The following CNBD1 variants were observed in gnomAD, a reference collection of about 807,000 sequenced individuals.
CNBD1 encodes cyclic nucleotide binding domain containing 1.
A neutral mutation model predicts 54.4 loss-of-function variants in CNBD1; 71 were observed. The ratio of observed to expected loss-of-function variants is 1.30; its 90% CI spans 1.08 to 1.59. The LOEUF is 1.59. Ranked by LOEUF, CNBD1 falls within the 40% of genes most tolerant of loss-of-function variation. The pLI, the probability that CNBD1 is intolerant of heterozygous loss-of-function variation, is 0.00. For missense variants in CNBD1, 659 were observed against 518.0 expected (o/e 1.27, Z -2.64); for synonymous variants, 182 against 170.7 (o/e 1.07, Z -0.51).
chr8:87,125,117 A>T (rs1010354922), intron 4 of CNBD1, among the ~76,000 whole-genome samples: 1 of 151,752 alleles, frequency 6.6e-6, no homozygotes, highest in Non-Finnish European at 1.5e-5. Flanking sequence ...TACAACAAAA[A>T]CACTGACGAA....
chr8:87,348,752 G>T (rs1810223501), intron 8 of CNBD1, among the ~76,000 whole-genome samples: 1 of 152,150 alleles, frequency 6.6e-6, no homozygotes, highest in South Asian at 2.1e-4. Context: ...CAGTGCTGAT[G>T]CTAATAGCCA....
rs576432318 is a variant in CNBD1 at position 87,314,308 on chromosome 8, T to G, written c.1042+27637T>G. Among the ~76,000 whole-genome samples the G allele has an allele frequency of 5.1e-4, 38 of 75,150 alleles. No homozygotes were observed. In the East Asian group the frequency reaches 0.01, roughly 21 times the overall value. The allele number at this position is 75,150 out of a possible 152,430, so 49.3% of individuals were successfully genotyped here. Reference sequence around the variant, plus strand: ...TCTAGGAATTCAATAAAGCATCTCATTTTTTAAAAAAAAAGATATTACCAT... The same window carrying G: ...TCTAGGAATTCAATAAAGCATCTCAGTTTTTAAAAAAAAAGATATTACCAT... On this transcript the variant is annotated intron_variant, in intron 8 of 10. Coordinates refer to ENST00000518476, the MANE Select transcript of CNBD1 (RefSeq NM_173538.3).
At position 87,016,903 on chromosome 8, in the gene CNBD1, C is replaced by T. The variant is rs113955505; in HGVS notation, c.431+77149C>T. Among the ~76,000 whole-genome samples, 331 of 152,266 alleles carry T rather than the reference C, an allele frequency of 2.2e-3. 1 individual carries two copies. The highest frequency in any genetic ancestry group is 7.7e-3 in the African/African-American group (322 of 41,552). On this transcript the variant is annotated intron_variant, in intron 4 of 10. Coordinates refer to ENST00000518476, the MANE Select transcript of CNBD1 (RefSeq NM_173538.3). The stretch of plus-strand genomic sequence containing the variant: ...TGAAGCAGTTGACATGTTTCATATG[C>T]AAGACATGTTGGACTAGCTTTATGA...
At chr8:87,154,703 C>A (rs1386144517) in intron 4 of CNBD1, among the ~76,000 whole-genome samples, 1 of 152,110 alleles carries the variant, frequency 6.6e-6, no homozygotes, top group East Asian at 1.9e-4. Context: ...AGTTTAAAAC[C>A]TATTAACATT....
intron 4 of CNBD1, among the ~76,000 whole-genome samples, chr8:86,968,811 A>G (rs978409926): frequency 1.3e-5 from 2 of 152,194 alleles, no homozygotes; most frequent in Non-Finnish European, 2.9e-5. Flanking sequence ...AACATAGACA[A>G]TAGGGCAGAG....
chr8:87,388,365 A>T (rs1324518159), intron 2 of CNBD1, among the ~76,000 whole-genome samples: 1 of 98,262 alleles, frequency 1.0e-5, no homozygotes, highest in Non-Finnish European at 2.0e-5. Context: ...AGAAAGACTA[A>T]TGAAGAAAAA....
chr8:86,911,479 G>A (rs999281677), intron 3 of CNBD1, among the ~76,000 whole-genome samples: 7 of 152,138 alleles, frequency 4.6e-5, no homozygotes, highest in African/African-American at 1.7e-4. Context: ...TTGATACATA[G>A]TAGATGTATG....
chr8:87,040,149 T>C (rs973701151), intron 4 of CNBD1, among the ~76,000 whole-genome samples: 1 of 152,230 alleles, frequency 6.6e-6, no homozygotes, highest in Non-Finnish European at 1.5e-5. Flanking sequence ...AATTTGTTTG[T>C]TCTACAAAGA....
At chr8:87,012,307 C>T (rs1325013243) in intron 4 of CNBD1, among the ~76,000 whole-genome samples, 3 of 152,116 alleles carry the variant, frequency 2.0e-5, no homozygotes, top group East Asian at 3.9e-4. Context: ...TTATCTTACC[C>T]AAATTCCTGC....
chr8:87,362,864 G>A (rs113910881), intron 10 of CNBD1, among the ~76,000 whole-genome samples: 2,840 of 151,934 alleles, frequency 0.019, 89 homozygotes, highest in African/African-American at 0.062. Flanking sequence ...CATTCAAATT[G>A]CATATTCTAA....
intron 1 of CNBD1, among the ~76,000 whole-genome samples, chr8:86,871,056 A>AT (rs1204336358): frequency 3.9e-5 from 6 of 152,276 alleles, no homozygotes; most frequent in Admixed American, 6.5e-5. Flanking sequence ...AACATTTAGT[A>AT]TTTTTTTCCT....
chr8:87,059,021 ATC>A (rs1314781329), intron 4 of CNBD1, among the ~76,000 whole-genome samples: 1 of 152,158 alleles, frequency 6.6e-6, no homozygotes, highest in Non-Finnish European at 1.5e-5. Context: ...ACCCCAAATC[ATC>A]TCTCTCAAGC....
At chr8:86,962,977 ATTTAGGATACACTTGAGGAGTGCAGGC>A (rs1807971246) in intron 4 of CNBD1, among the ~76,000 whole-genome samples, 1 of 152,096 alleles carries the variant, frequency 6.6e-6, no homozygotes, top group Non-Finnish European at 1.5e-5. Flanking sequence ...GAGTCCAGTG[ATTTAGGATACACTTGAGGAGTGCAGGC>A]TGAAAATGAT....
intron 5 of CNBD1, among the ~76,000 whole-genome samples, chr8:87,222,917 A>T (rs1027620741): frequency 2.2e-4 from 34 of 152,220 alleles, no homozygotes; most frequent in African/African-American, 8.2e-4. Context: ...TTTTCATGTA[A>T]TAGAAACTAG....
chr8:87,396,492 G>A (rs1050773221), intron 2 of CNBD1, among the ~76,000 whole-genome samples: 1 of 151,670 alleles, frequency 6.6e-6, no homozygotes, highest in African/African-American at 2.4e-5. Flanking sequence ...TTACTTCATT[G>A]GTAAGTCTTC....
intron 4 of CNBD1, among the ~76,000 whole-genome samples, chr8:87,003,034 A>G (rs1395889954): frequency 1.3e-5 from 2 of 152,224 alleles, no homozygotes; most frequent in Non-Finnish European, 2.9e-5. Flanking sequence ...GTTCATGTCC[A>G]TGAAACTTGG....
At chr8:87,387,454 C>T (rs549536071), downstream of CNBD1, among the ~76,000 whole-genome samples, 93 of 152,152 alleles carry the variant, frequency 6.1e-4, no homozygotes, top group South Asian at 0.019. Context: ...GGGGTTGCAA[C>T]TCTAGTCTCT....
At chr8:87,283,262 A>G (rs1398079606) in intron 6 of CNBD1, among the ~76,000 whole-genome samples, 5 of 152,062 alleles carry the variant, frequency 3.3e-5, no homozygotes, top group East Asian at 3.9e-4. Flanking sequence ...TTTTGCTTCC[A>G]TCATGTCATG....
At chr8:87,269,552 C>T (rs1808323372) in intron 6 of CNBD1, among the ~76,000 whole-genome samples, 1 of 152,106 alleles carries the variant, frequency 6.6e-6, no homozygotes, top group South Asian at 2.1e-4. Flanking sequence ...TATCCACGAG[C>T]ATGGAATATT....
Sources: gnomAD v4.1 joint callset for allele counts (sites outside exome capture counted in the v4.1 genomes callset) on GRCh38, gnomAD v4.1.1 for gene constraint, MANE v1.5 for transcripts, NCBI Gene and HGNC (gene_info 2026-07-23, HGNC 2026-07-21) for gene names.